Variants in TMEM132B observed in about 807,000 individuals in gnomAD.
TMEM132B encodes the protein transmembrane protein 132B.
A neutral mutation model predicts 90.8 loss-of-function variants in TMEM132B; 18 were observed. That is an observed-to-expected ratio of 0.20 (90% CI 0.14 to 0.29). TMEM132B has a LOEUF of 0.29. Ranked by LOEUF, TMEM132B falls within the 10% of genes least tolerant of loss-of-function variation. The pLI, the probability that TMEM132B is intolerant of heterozygous loss-of-function variation, is 1.00. For missense variants in TMEM132B, 1,096 were observed against 1,326.8 expected (o/e 0.83, Z 2.70); for synonymous variants, 504 against 523.3 (o/e 0.96, Z 0.50).
intron 5 of TMEM132B, among the ~76,000 whole-genome samples, chr12:125,589,283 C>T (rs186023509): frequency 2.6e-5 from 4 of 151,932 alleles, no homozygotes; most frequent in Admixed American, 6.5e-5. Context: ...GAGATCGAGA[C>T]CATCCTGGCT....
chr12:125,653,975 T>G lies in TMEM132B; in HGVS notation c.2517T>G (p.Arg839=). 1.2e-6 allele frequency: 2 copies of G among 1,614,162 alleles called. No homozygotes were observed. The highest frequency in any genetic ancestry group is 1.7e-6 in the Non-Finnish European group (2 of 1,180,038). ...GAGCAGTCCAGGAATGGTTCCACCG[T>G]GGCACACCTGTTGGCCAAGAGGAAA... ...QERAVQEWFH[R]GTPVGQEEST... is the part of the protein sequence containing the mutation. The change falls in exon 9 of 9, where the codon CGT becomes CGG. Residue 839 remains arginine, a synonymous_variant. Transcript: ENST00000682704.
At chr12:125,308,659 A>AG (rs1207290583) in intron 1 of TMEM132B, among the ~76,000 whole-genome samples, 1 of 152,212 alleles carries the variant, frequency 6.6e-6, no homozygotes, top group Non-Finnish European at 1.5e-5. Flanking sequence ...AGGAATAAAA[A>AG]AAGTGAAAAG....
chr12:125,204,860 T>C (rs1286265473), intron 1 of TMEM132B, among the ~76,000 whole-genome samples: 5 of 124,682 alleles, frequency 4.0e-5, no homozygotes, highest in African/African-American at 6.0e-5. Flanking sequence ...TGTGCTTAGC[T>C]CTTTATGTGG....
In TMEM132B at chr12:125,288,479, A is replaced by G. The variant is rs74848247; in HGVS notation, c.68-60973A>G. On this transcript the variant is annotated intron_variant, in intron 1 of 8. Coordinates refer to ENST00000682704, the MANE Select transcript of TMEM132B (RefSeq NM_001366854.1). The stretch of plus-strand genomic sequence containing the variant: ...CTCCATCTCAAAAAAAAAAAAAAAA[A>G]AAGAGCTGCTAGCTTTGCAGCAGGG... 1.1e-3 allele frequency among the ~76,000 whole-genome samples: 160 copies of G among 148,468 alleles called. 3 individuals carry two copies. The highest frequency in any genetic ancestry group is 3.1e-3 in the African/African-American group (124 of 39,906).
rs1366446436 is a variant in TMEM132B, at chr12:125,628,888, C to A, written c.1438-15188C>A. ...ATATGGATATCCAGGTTTCCCAGCA[C>A]CATTTATTGAAGAGACTGCTTTTTC... On this transcript the variant is annotated intron_variant, in intron 5 of 8. Transcript: ENST00000682704. 2.6e-5 allele frequency among the ~76,000 whole-genome samples: 4 copies of A among 152,090 alleles called. 1 individual carries two copies. The East Asian group carries it at 7.7e-4, about 29-fold the overall frequency.
intron 1 of TMEM132B, among the ~76,000 whole-genome samples, chr12:125,256,155 C>CA (rs1219181334): frequency 6.6e-6 from 1 of 152,172 alleles, no homozygotes; most frequent in Non-Finnish European, 1.5e-5. Flanking sequence ...TGGAAAGAGA[C>CA]AGAGGCCAGC....
At chr12:125,483,721 C>T (rs544286304) in intron 3 of TMEM132B, among the ~76,000 whole-genome samples, 5 of 152,248 alleles carry the variant, frequency 3.3e-5, no homozygotes, top group Non-Finnish European at 7.4e-5. Flanking sequence ...AGGAAAAACA[C>T]CAAGGGTAAT....
At chr12:125,286,375 T>G (rs933729486) in intron 1 of TMEM132B, among the ~76,000 whole-genome samples, 16 of 152,246 alleles carry the variant, frequency 1.1e-4, no homozygotes, top group African/African-American at 3.6e-4. Flanking sequence ...CATGGGCAAC[T>G]GTCATTGAAT....
At chr12:125,581,447 T>C (rs1472695988) in intron 4 of TMEM132B, among the ~76,000 whole-genome samples, 1 of 152,200 alleles carries the variant, frequency 6.6e-6, no homozygotes, top group African/African-American at 2.4e-5. Context: ...TCTTGTCTGA[T>C]TTTCTTTGTT....
chr12:125,550,933 C>A (rs972589970), intron 4 of TMEM132B, among the ~76,000 whole-genome samples: 8 of 152,196 alleles, frequency 5.3e-5, no homozygotes, highest in African/African-American at 9.7e-5. Flanking sequence ...CCCCCTCAGC[C>A]TCCCAATTAG....
At chr12:125,299,992 C>G (rs1992891) in intron 1 of TMEM132B, among the ~76,000 whole-genome samples, 70,173 of 152,174 alleles carry the variant, frequency 0.46, 18,163 homozygotes, top group Non-Finnish European at 0.58. Flanking sequence ...GGCCTGAGGC[C>G]CTGCAGGGTC....
rs1447157000 is a variant in TMEM132B, at chr12:125,654,473, C to T, written c.3015C>T (p.Pro1005=). The change falls in exon 9 of 9, where the codon CCC becomes CCT. Residue 1005 remains proline (P), a synonymous_variant. Transcript: ENST00000682704. This position sits in a 1 kb window ranked among gnomAD's most constrained non-coding sequence, Gnocchi z 5.8. The part of the protein sequence containing the change: ...QKTFHSQLLR[P]SDYVYEKEIK... ...CTTTTCATAGTCAACTACTCAGACCCTCTGACTATGTCTATGAGAAAGAAA... is the reference window on the plus strand; with the variant it reads ...CTTTTCATAGTCAACTACTCAGACCTTCTGACTATGTCTATGAGAAAGAAA... 9.3e-6 allele frequency: 15 copies of T among 1,613,720 alleles called. No individual in the cohort carries two copies. The highest frequency in any genetic ancestry group is 1.3e-5 in the African/African-American group (1 of 74,916).
chr12:125,202,043 A>T (rs527876508), intron 1 of TMEM132B, among the ~76,000 whole-genome samples: 1 of 152,258 alleles, frequency 6.6e-6, no homozygotes, highest in African/African-American at 2.4e-5. Flanking sequence ...GGGTGTTGGT[A>T]AACTTTCTCC....
intron 2 of TMEM132B, among the ~76,000 whole-genome samples, chr12:125,409,458 A>AG (rs921365775): frequency 3.3e-5 from 5 of 151,950 alleles, no homozygotes; most frequent in Non-Finnish European, 5.9e-5. Flanking sequence ...GAGCTGATTG[A>AG]GGGGGGGCAA....
chr12:125,261,086 C>T (rs775277743), intron 1 of TMEM132B, among the ~76,000 whole-genome samples: 1 of 152,162 alleles, frequency 6.6e-6, no homozygotes, highest in Non-Finnish European at 1.5e-5. Context: ...AATAGCGTAC[C>T]TGCTTTTCCA....
chr12:125,500,273 C>A (rs1196079485), intron 3 of TMEM132B, among the ~76,000 whole-genome samples: 2 of 152,198 alleles, frequency 1.3e-5, no homozygotes, highest in South Asian at 4.1e-4. Flanking sequence ...AATGTCTCAG[C>A]TTTTGACACA....
chr12:125,519,632 A>T lies in TMEM132B; in HGVS notation c.1293+7A>T, dbSNP rs757806630. On this transcript the variant is annotated splice_region_variant and intron_variant, in intron 4 of 8. Coordinates refer to ENST00000682704, the MANE Select transcript of TMEM132B (RefSeq NM_001366854.1). ...CATCGTCCCTCTTGCCATGGTGAGGAATCTGGGGGTTTCAGAGGAAGTGTC... is the reference window on the plus strand; with the variant it reads ...CATCGTCCCTCTTGCCATGGTGAGGTATCTGGGGGTTTCAGAGGAAGTGTC... 3 of 1,613,312 alleles carry T rather than the reference A, an allele frequency of 1.9e-6. No individual in the cohort carries two copies. The highest frequency in any genetic ancestry group is 2.7e-5 in the African/African-American group (2 of 74,880).
chr12:125,651,432 A>T (rs1886917061), intron 7 of TMEM132B, among the ~76,000 whole-genome samples: 1 of 152,198 alleles, frequency 6.6e-6, no homozygotes, highest in Non-Finnish European at 1.5e-5. Flanking sequence ...TGATAGTTAA[A>T]TTATTTTCTA....
chr12:125,193,753 C>T (rs117065286), intron 1 of TMEM132B, among the ~76,000 whole-genome samples: 217 of 152,322 alleles, frequency 1.4e-3, no homozygotes, highest in Non-Finnish European at 2.0e-3. Context: ...AGGTATAAAT[C>T]GGGGCTAAGC....
Sources: allele counts gnomAD v4.1 joint callset (sites outside exome capture counted in the v4.1 genomes callset), GRCh38; gene constraint gnomAD v4.1.1; non-coding constraint Gnocchi (gnomAD v3.1); transcripts MANE v1.5; gene names NCBI Gene and HGNC (gene_info 2026-07-23, HGNC 2026-07-21).